SRPX2: variants seen among roughly 807,000 people sequenced by gnomAD.
SRPX2 encodes the protein sushi repeat containing protein X-linked 2, also known as sushi repeat-containing protein SRPX2.
Under a neutral mutation model 45.3 loss-of-function variants are expected in SRPX2, and 26 were observed. That is an observed-to-expected ratio of 0.57 (90% CI 0.42 to 0.80). SRPX2 has a LOEUF of 0.80. Among genes scored for constraint, SRPX2 ranks in the 30% least tolerant of loss-of-function variants. The probability of loss-of-function intolerance (pLI) is 0.00; values close to 1 mark genes in which losing one functional copy is unlikely to be tolerated. For synonymous variants in SRPX2, 125 were observed against 143.7 expected (o/e 0.87, Z 0.93); for missense variants, 355 against 399.8 (o/e 0.89, Z 0.95).
chrX:100,670,280 A>G (rs1010452851), intron 10 of SRPX2, among the ~76,000 whole-genome samples: 1 of 111,622 alleles, frequency 9.0e-6, no homozygotes, highest in Non-Finnish European at 1.9e-5. Flanking sequence ...GAGAAACTAT[A>G]CCTGCCTCTA....
At chrX:100,647,045 T>A (rs2083137637) in intron 2 of SRPX2, among the ~76,000 whole-genome samples, 1 of 111,908 alleles carries the variant, frequency 8.9e-6, no homozygotes. Flanking sequence ...AATATTTCAC[T>A]CTTCACCCAG....
chrX:100,669,526 G>T (rs2083216356), intron 10 of SRPX2, among the ~76,000 whole-genome samples, 157 bp downstream of exon 10: 1 of 111,227 alleles, frequency 9.0e-6, no homozygotes, highest in East Asian at 2.8e-4. Flanking sequence ...GATGCATTAG[G>T]TAAGACCAGA....
In SRPX2 at chrX:100,664,882, T is replaced by C; in HGVS notation, c.464T>C (p.Leu155Pro). 8.3e-7 allele frequency: 1 copy of C among 1,210,722 alleles called. No homozygotes were observed. Among genetic ancestry groups the C allele is most frequent in the Non-Finnish European group, 1.1e-6 (1 of 895,163 alleles). Residue 155 changes from leucine (L) to proline (P), a missense_variant, in exon 5 of 11, where the codon CTG (leucine) becomes CCG (proline). By Grantham distance (98) the Leu-to-Pro change is moderately conservative. Transcript: ENST00000373004. ...TACAGCTGTTCCAGTGGCTACCACC[T>C]GGAAGGTGATCGCAGCCGAATCTGC... ...CDYSCSSGYH[L>P]EGDRSRICME...
intron 3 of SRPX2, among the ~76,000 whole-genome samples, chrX:100,657,556 C>T (rs1435801509): frequency 1.4e-4 from 15 of 104,961 alleles, no homozygotes; most frequent in African/African-American, 3.8e-4. Context: ...TCATCATGTT[C>T]GCCAGGCTGG....
intron 2 of SRPX2, among the ~76,000 whole-genome samples, chrX:100,650,562 C>A (rs2083149574): frequency 9.0e-6 from 1 of 111,427 alleles, no homozygotes; most frequent in South Asian, 3.8e-4. Flanking sequence ...CTGGCCACCA[C>A]AACTATGAGC....
chrX:100,652,233 C>A (rs939099993), intron 3 of SRPX2, among the ~76,000 whole-genome samples: 2 of 111,726 alleles, frequency 1.8e-5, no homozygotes, highest in Non-Finnish European at 3.8e-5. Context: ...ACAGATGAAC[C>A]CCATAAATGT....
chrX:100,665,212 C>T lies in SRPX2; in HGVS notation c.533-31C>T, dbSNP rs755581646. 9.9e-6 allele frequency: 12 copies of T among 1,207,750 alleles called. No homozygotes were observed. In the South Asian group the frequency reaches 1.8e-4, roughly 18 times the overall value. ...CCCTCCAGGGAAAGCAAGGGGCCCA[C>T]GAGTCAGCACTTGATTTTTCATCTT... On this transcript the variant is annotated intron_variant, in intron 5 of 10. Transcript: ENST00000373004.
In SRPX2 at chrX:100,650,777, T is replaced by C; in HGVS notation, c.83-8T>C. On this transcript the variant is annotated splice_polypyrimidine_tract_variant and splice_region_variant and intron_variant, in intron 2 of 10. Coordinates refer to ENST00000373004, the MANE Select transcript of SRPX2 (RefSeq NM_014467.3). ...GACACCATTTTGATATTGTCTTCCT[T>C]ATTCTAGGTTCTGGCTACTATCCGG... 2 of 1,205,226 alleles carry C rather than the reference T, an allele frequency of 1.7e-6. No homozygotes were observed. The highest frequency in any genetic ancestry group is 2.2e-6 in the Non-Finnish European group (2 of 889,690).
In SRPX2 at chrX:100,666,900, C is replaced by T. The variant is rs758448998; in HGVS notation, c.928C>T (p.Arg310Cys). 1.5e-4 allele frequency: 176 copies of T among 1,209,064 alleles called. 2 individuals are homozygous for T. In the South Asian group the frequency reaches 3.0e-3, roughly 21 times the overall value. The part of the protein sequence containing the change: ...GTPSRVCQSS[R>C]QWSGSPPICA... Reference sequence around the variant, plus strand: ...ACCCTCCCGGGTCTGTCAGTCCAGCCGCCAGTGGTCAGGTTCACCACCAAT... The same window carrying T: ...ACCCTCCCGGGTCTGTCAGTCCAGCTGCCAGTGGTCAGGTTCACCACCAAT... Residue 310 changes from arginine (R) to cysteine (C), a missense_variant, in exon 8 of 11, where the codon CGC (arginine) becomes TGC (cysteine). Coordinates refer to ENST00000373004, the MANE Select transcript of SRPX2 (RefSeq NM_014467.3).
intron 3 of SRPX2, among the ~76,000 whole-genome samples, chrX:100,659,475 G>A (rs941347923): frequency 8.9e-6 from 1 of 111,736 alleles, no homozygotes; most frequent in African/African-American, 3.3e-5. Flanking sequence ...CTATGGGAGC[G>A]ATATAGAATG....
At chrX:100,644,690 C>A (rs1318672271) in intron 1 of SRPX2, among the ~76,000 whole-genome samples, 175 bp downstream of exon 1, 2 of 111,112 alleles carry the variant, frequency 1.8e-5, no homozygotes, top group Non-Finnish European at 3.8e-5. Flanking sequence ...ACTGCAAACA[C>A]ATGTTCCCAG....
At chrX:100,670,736 A>G (rs1291677620) in intron 10 of SRPX2, 71 bp from the exon 11 acceptor site, 1 of 1,145,583 alleles carries the variant, frequency 8.7e-7, no homozygotes, top group Admixed American at 2.2e-5. Flanking sequence ...GCAAAAAGTC[A>G]GAGGGTAGTA....
rs1405030088 is a variant in SRPX2 at position 100,674,935 on chromosome X, C to G, written c.*3948C>G. ...GCAAAAACAGGAACTGAAAGCTCAT[C>G]AAGCAGGAAGTCAGAATAACAGGGA... On this transcript the variant is annotated 3_prime_UTR_variant, in exon 11 of 11. Transcript: ENST00000373004. 2.7e-5 allele frequency: 3 copies of G among 111,683 alleles called. No homozygotes were observed. Among genetic ancestry groups the G allele is most frequent in the African/African-American group, 9.8e-5 (3 of 30,711 alleles). The allele number at this position is 111,683 out of a possible 1,213,427, so 9.2% of individuals were successfully genotyped here. A position where few individuals can be genotyped will look rare whatever the true frequency, so the allele number is the denominator to read the frequency against.
At chrX:100,660,745 G>A (rs759311023) in intron 3 of SRPX2, among the ~76,000 whole-genome samples, 1 of 111,200 alleles carries the variant, frequency 9.0e-6, no homozygotes, top group South Asian at 3.9e-4. Flanking sequence ...GGAGGCTGAG[G>A]CAGGAGAATC....
intron 3 of SRPX2, 90 bp from the exon 4 acceptor site, chrX:100,662,084 CTA>C: frequency 1.0e-6 from 1 of 961,133 alleles, no homozygotes; most frequent in South Asian, 2.0e-5. Context: ...TCTGGGCTCT[CTA>C]TTTTTTTCCA....
At chrX:100,657,908 G>C (rs769149641) in intron 3 of SRPX2, among the ~76,000 whole-genome samples, 9 of 112,545 alleles carry the variant, frequency 8.0e-5, no homozygotes. Context: ...GATTACAGGC[G>C]TGAGCCACTG....
At chrX:100,651,003 A>C in intron 3 of SRPX2, 138 bp downstream of exon 3, 2 of 498,989 alleles carry the variant, frequency 4.0e-6, no homozygotes, top group Non-Finnish European at 6.9e-6. Flanking sequence ...GTGATTTCTC[A>C]TCATGAACTT....
At position 100,674,176 on chromosome X, in the gene SRPX2, C is replaced by A. The variant is rs936950653; in HGVS notation, c.*3189C>A. 2 of 111,800 alleles carry A rather than the reference C, an allele frequency of 1.8e-5. No individual in the cohort carries two copies. Among genetic ancestry groups the A allele is most frequent in the African/African-American group, 6.5e-5 (2 of 30,702 alleles). 9.2% of individuals were successfully genotyped at this position (111,800 alleles called of 1,213,427 possible). On this transcript the variant is annotated 3_prime_UTR_variant, in exon 11 of 11. Coordinates refer to ENST00000373004, the MANE Select transcript of SRPX2 (RefSeq NM_014467.3). Reference sequence around the variant, plus strand: ...CTGTATGAACATCTCTCTCCTTCCTCCAGTATAGGAGGGTCTGCAAAGCTA... The same window carrying A: ...CTGTATGAACATCTCTCTCCTTCCTACAGTATAGGAGGGTCTGCAAAGCTA...
intron 3 of SRPX2, among the ~76,000 whole-genome samples, chrX:100,653,100 G>A (rs1050924880): frequency 2.7e-5 from 3 of 111,301 alleles, no homozygotes; most frequent in African/African-American, 9.8e-5. Flanking sequence ...TGGGAAAGGA[G>A]GTGGACTCTC....
Sources: allele counts gnomAD v4.1 joint callset (sites outside exome capture counted in the v4.1 genomes callset), GRCh38; gene constraint gnomAD v4.1.1; transcripts MANE v1.5; gene names NCBI Gene and HGNC (gene_info 2026-07-23, HGNC 2026-07-21).